The following ECHDC1 variants were observed in gnomAD, a reference collection of about 807,000 sequenced individuals.
The protein encoded by ECHDC1 is ethylmalonyl-CoA decarboxylase 1.
Under a neutral mutation model 29.7 loss-of-function variants are expected in ECHDC1, and 29 were observed. That is an observed-to-expected ratio of 0.98 (90% CI 0.73 to 1.33). ECHDC1 has a LOEUF of 1.33. ECHDC1 is among the 40% of genes most tolerant of loss of function. The pLI is 0.00. For synonymous variants in ECHDC1, 126 were observed against 123.1 expected (o/e 1.02, Z -0.15); for missense variants, 328 against 350.0 (o/e 0.94, Z 0.50).
In ECHDC1 at chr6:127,329,230, T is replaced by C. The variant is rs547905627; in HGVS notation, c.220+1579A>G. On this transcript the variant is annotated intron_variant, in intron 2 of 5. Coordinates refer to ENST00000454859, the MANE Select transcript of ECHDC1 (RefSeq NM_001002030.2). ...AGTTTGCAAAGTAAACCTCAAAAGA[T>C]GGAAGAGACCTTAAAGAGTATCTAA... Among the ~76,000 whole-genome samples, 3 of 152,202 alleles carry C rather than the reference T, an allele frequency of 2.0e-5. No individual in the cohort carries two copies. The East Asian group carries it at 5.8e-4, about 29-fold the overall frequency.
intron 1 of ECHDC1, among the ~76,000 whole-genome samples, chr6:127,338,245 G>A (rs1029282046): frequency 6.6e-6 from 1 of 152,242 alleles, no homozygotes; most frequent in East Asian, 1.9e-4. Flanking sequence ...CATTGTTAGC[G>A]ATTTCAGAGA....
At chr6:127,336,617 G>A (rs1784447629) in intron 1 of ECHDC1, among the ~76,000 whole-genome samples, 1 of 152,052 alleles carries the variant, frequency 6.6e-6, no homozygotes, top group African/African-American at 2.4e-5. Flanking sequence ...AACTTTCCTG[G>A]GCAAGGACAA....
chr6:127,306,261 T>C (rs1022887881), intron 5 of ECHDC1, among the ~76,000 whole-genome samples: 1 of 152,058 alleles, frequency 6.6e-6, no homozygotes, highest in African/African-American at 2.4e-5. Flanking sequence ...GATATGACAA[T>C]TTTTATGCCA....
intron 5 of ECHDC1, among the ~76,000 whole-genome samples, chr6:127,290,569 G>C (rs968837408): frequency 1.1e-4 from 16 of 152,030 alleles, no homozygotes; most frequent in African/African-American, 3.9e-4. Context: ...GACCTAATGA[G>C]AGGATGTGGA....
At chr6:127,303,502 A>C (rs1486578035) in intron 5 of ECHDC1, among the ~76,000 whole-genome samples, 2 of 152,208 alleles carry the variant, frequency 1.3e-5, no homozygotes, top group Non-Finnish European at 2.9e-5. Flanking sequence ...CTAATCCAGA[A>C]CAAGGCTCTA....
At chr6:127,299,989 C>A (rs1221697922) in intron 5 of ECHDC1, among the ~76,000 whole-genome samples, 4 of 151,986 alleles carry the variant, frequency 2.6e-5, no homozygotes, top group Non-Finnish European at 4.4e-5. Flanking sequence ...TAAGCTATAC[C>A]ATATAGCCGA....
At chr6:127,304,192 CAGAG>C (rs141653417) in intron 5 of ECHDC1, among the ~76,000 whole-genome samples, 1 of 151,084 alleles carries the variant, frequency 6.6e-6, no homozygotes, top group African/African-American at 2.4e-5. Context: ...CGGGGCTCAG[CAGAG>C]AGAGAGAGAG....
chr6:127,309,522 CACACACACACACACAG>C (rs1392401312), intron 5 of ECHDC1, among the ~76,000 whole-genome samples: 8 of 54,862 alleles, frequency 1.5e-4, no homozygotes, highest in African/African-American at 4.6e-4. Flanking sequence ...CACACACACA[CACACACACACACACAG>C]GAAAAAATAG....
intron 3 of ECHDC1, among the ~76,000 whole-genome samples, chr6:127,325,549 C>T (rs2114660335): frequency 6.6e-6 from 1 of 152,246 alleles, no homozygotes; most frequent in East Asian, 1.9e-4. Flanking sequence ...AAGGCCCTGA[C>T]ATATACACTA....
At chr6:127,309,178 G>A (rs563906953) in intron 5 of ECHDC1, among the ~76,000 whole-genome samples, 1 of 152,062 alleles carries the variant, frequency 6.6e-6, no homozygotes, top group South Asian at 2.1e-4. Flanking sequence ...CAGCCCTGGA[G>A]GAATCACATT....
At chr6:127,293,677 G>A (rs192943496) in intron 5 of ECHDC1, among the ~76,000 whole-genome samples, 143 of 152,260 alleles carry the variant, frequency 9.4e-4, no homozygotes, top group African/African-American at 3.3e-3. Flanking sequence ...AGAGAATACA[G>A]TATTACCTAC....
At chr6:127,307,368 C>T (rs1484014606) in intron 5 of ECHDC1, among the ~76,000 whole-genome samples, 1 of 152,054 alleles carries the variant, frequency 6.6e-6, no homozygotes, top group Non-Finnish European at 1.5e-5. Context: ...TGGTGGCTCA[C>T]GCCTGTAATC....
chr6:127,289,183 G>A lies in ECHDC1; in HGVS notation c.*686C>T. The A allele has an allele frequency of 6.6e-6, 1 of 152,044 alleles. No homozygotes were observed. Among genetic ancestry groups the A allele is most frequent in the East Asian group, 1.9e-4 (1 of 5,174 alleles). The allele number at this position is 152,044 out of a possible 1,614,324, so 9.4% of individuals were successfully genotyped here. ...GTTTAAAACTACATCAACAGTAGTT[G>A]TTTATTACTAGTTGGAAATTCCAGG... is the stretch of plus-strand genomic sequence containing the variant. On this transcript the variant is annotated 3_prime_UTR_variant, in exon 6 of 6. Coordinates refer to ENST00000454859, the MANE Select transcript of ECHDC1 (RefSeq NM_001002030.2).
chr6:127,291,802 C>T (rs1582921122), intron 5 of ECHDC1, among the ~76,000 whole-genome samples: 1 of 152,094 alleles, frequency 6.6e-6, no homozygotes, highest in East Asian at 1.9e-4. Flanking sequence ...TATTAACTCA[C>T]TGGGAAACTT....
chr6:127,316,609 T>G (rs1435944747), intron 3 of ECHDC1, 107 bp from the exon 4 acceptor site: 5 of 840,598 alleles, frequency 5.9e-6, no homozygotes, highest in Non-Finnish European at 9.2e-6. Flanking sequence ...TATGTCTTTT[T>G]TAAACAATGA....
intron 5 of ECHDC1, among the ~76,000 whole-genome samples, chr6:127,310,721 G>A (rs1449526154): frequency 2.0e-5 from 3 of 152,148 alleles, no homozygotes; most frequent in Non-Finnish European, 4.4e-5. Flanking sequence ...ATAAATCAAC[G>A]GCAGAAAGAA....
intron 3 of ECHDC1, among the ~76,000 whole-genome samples, chr6:127,318,622 TAGAC>T (rs997486334): frequency 5.9e-5 from 9 of 152,286 alleles, no homozygotes; most frequent in East Asian, 5.8e-4. Flanking sequence ...TGGGGGTAGT[TAGAC>T]AGGCTTTAGA....
At chr6:127,314,672 T>C (rs1425578617) in intron 5 of ECHDC1, 144 bp downstream of exon 5, 1 of 631,806 alleles carries the variant, frequency 1.6e-6, no homozygotes, top group Admixed American at 3.5e-5. Context: ...TTATCTACTT[T>C]AATGACTGAC....
intron 5 of ECHDC1, among the ~76,000 whole-genome samples, chr6:127,304,880 A>G (rs1781328959): frequency 6.6e-6 from 1 of 152,196 alleles, no homozygotes; most frequent in African/African-American, 2.4e-5. Context: ...AAGACAAAAG[A>G]AAAAAGATAA....
Sources: allele counts gnomAD v4.1 joint callset (sites outside exome capture counted in the v4.1 genomes callset), GRCh38; gene constraint gnomAD v4.1.1; transcripts MANE v1.5; gene names NCBI Gene and HGNC (gene_info 2026-07-23, HGNC 2026-07-21).